The following FARS2 variants were observed in gnomAD, a reference collection of about 807,000 sequenced individuals.
FARS2 encodes phenylalanine--tRNA ligase, mitochondrial.
A neutral mutation model predicts 46.4 loss-of-function variants in FARS2; 40 were observed. That is an observed-to-expected ratio of 0.86 (90% confidence interval 0.67 to 1.12). The LOEUF (loss-of-function observed/expected upper bound fraction) is 1.12. Ranked by LOEUF, FARS2 falls within the 50% of genes most tolerant of loss-of-function variation. The pLI, the probability that FARS2 is intolerant of heterozygous loss-of-function variation, is 0.00. For synonymous variants in FARS2, 234 were observed against 214.9 expected, an observed-to-expected ratio of 1.09 and a Z score of -0.78; for missense variants, 513 against 567.9, an observed-to-expected ratio of 0.90 and a Z score of 0.98.
At chr6:5,459,782 C>A (rs1765133606) in intron 4 of FARS2, among the ~76,000 whole-genome samples, 1 of 152,156 alleles carries the variant, frequency 6.6e-6, no homozygotes, top group African/African-American at 2.4e-5. Context: ...TTTTCCCCAC[C>A]TCCCTCCACC....
intron 6 of FARS2, among the ~76,000 whole-genome samples, chr6:5,671,031 A>T (rs932211464): frequency 6.6e-6 from 1 of 152,230 alleles, no homozygotes; most frequent in African/African-American, 2.4e-5. Flanking sequence ...CAGTGAACTC[A>T]TTACAGTAAA....
At chr6:5,535,619 GAA>G (rs1257039364) in intron 4 of FARS2, among the ~76,000 whole-genome samples, 1 of 152,180 alleles carries the variant, frequency 6.6e-6, no homozygotes, top group Admixed American at 6.5e-5. Flanking sequence ...TGGAATGAGT[GAA>G]AAGTTTTCAA....
intron 5 of FARS2, among the ~76,000 whole-genome samples, chr6:5,558,649 G>C (rs889253961): frequency 1.3e-5 from 2 of 151,946 alleles, no homozygotes; most frequent in African/African-American, 4.8e-5. Context: ...CCATTCTCCT[G>C]CCTCAGCCTC....
intron 1 of FARS2, among the ~76,000 whole-genome samples, chr6:5,264,530 G>A (rs1297100879): frequency 8.3e-6 from 1 of 120,962 alleles, no homozygotes; most frequent in African/African-American, 3.0e-5. Context: ...TTTCACTCTT[G>A]TTTCTCAGGC....
intron 3 of FARS2, among the ~76,000 whole-genome samples, chr6:5,415,984 G>A (rs1762217763): frequency 1.3e-5 from 2 of 152,196 alleles, no homozygotes; most frequent in Admixed American, 1.3e-4. Flanking sequence ...TGGGATTACA[G>A]GTGTGAGCTA....
In FARS2 at chr6:5,448,603, T is replaced by C. The variant is rs563827191; in HGVS notation, c.904+17431T>C. The stretch of plus-strand genomic sequence containing the variant: ...ATGTATTTAATCAGTGCTCCCTTGA[T>C]GGGCATTTTGTGTGTTTCCCTCTTT... On this transcript the variant is annotated intron_variant, in intron 4 of 6. Coordinates refer to ENST00000274680, the MANE Select transcript of FARS2 (RefSeq NM_006567.5). Among the ~76,000 whole-genome samples the C allele has an allele frequency of 3.3e-5, 5 of 152,340 alleles. No homozygotes were observed. The South Asian group carries it at 6.2e-4, about 19-fold the overall frequency.
intron 6 of FARS2, among the ~76,000 whole-genome samples, chr6:5,758,753 C>T (rs913463456): frequency 1.3e-5 from 2 of 152,126 alleles, no homozygotes; most frequent in Admixed American, 6.5e-5. Context: ...CTGGAAGCTT[C>T]GCTCTCTCCT....
intron 2 of FARS2, among the ~76,000 whole-genome samples, chr6:5,398,512 A>G (rs1323788605): frequency 1.3e-5 from 2 of 152,094 alleles, no homozygotes; most frequent in Admixed American, 1.3e-4. Context: ...TCCCAGATTC[A>G]TCTTTTACTT....
At chr6:5,752,939 C>T (rs1355388205) in intron 6 of FARS2, among the ~76,000 whole-genome samples, 2 of 152,170 alleles carry the variant, frequency 1.3e-5, no homozygotes, top group South Asian at 2.1e-4. Context: ...CGGAGAGAAC[C>T]GTGCTGACTC....
chr6:5,251,597 G>A, the FARS2 span, among the ~76,000 whole-genome samples: 1 of 152,134 alleles, frequency 6.6e-6, no homozygotes, highest in Non-Finnish European at 1.5e-5. Context: ...ATTATTGTGA[G>A]GACAGTACCA....
Position 5,369,013 on chromosome 6 carries a change from G to A in FARS2, c.443G>A (p.Arg148Gln), listed in dbSNP as rs753004463. 12 of 1,613,876 alleles carry A rather than the reference G, an allele frequency of 7.4e-6. No individual in the cohort carries two copies. Among genetic ancestry groups the A allele is most frequent in the East Asian group, 4.5e-5 (2 of 44,876 alleles). Residue 148 changes from arginine (R) to glutamine (Q), a missense_variant, in exon 2 of 7, where the codon CGG (arginine) becomes CAG (glutamine). Coordinates refer to ENST00000274680, the MANE Select transcript of FARS2 (RefSeq NM_006567.5). ...AAGGGGGACAACTATTACCTGAATC[G>A]GACTCACATGCTGAGAGCGCACACG... ...RKKGDNYYLN[R>Q]THMLRAHTSA...
At chr6:5,710,701 G>A (rs1381171957) in intron 6 of FARS2, among the ~76,000 whole-genome samples, 2 of 152,204 alleles carry the variant, frequency 1.3e-5, no homozygotes, top group East Asian at 1.9e-4. Flanking sequence ...ACAGGCAAGA[G>A]CTGCCCAGAG....
chr6:5,650,634 C>G (rs946052770), intron 6 of FARS2, among the ~76,000 whole-genome samples: 5 of 152,124 alleles, frequency 3.3e-5, no homozygotes, highest in Non-Finnish European at 7.4e-5. Context: ...GCACCCGCCA[C>G]CACGCCCGGC....
At chr6:5,392,914 ATGTATATATACATATATGTGTGTG>A (rs1760650702) in intron 2 of FARS2, among the ~76,000 whole-genome samples, 2 of 81,596 alleles carry the variant, frequency 2.5e-5, no homozygotes, top group African/African-American at 8.6e-5. Flanking sequence ...TATTATATAT[ATGTATATATACATATATGTGTGTG>A]TGTATATATA....
intron 5 of FARS2, among the ~76,000 whole-genome samples, chr6:5,589,612 C>T (rs1773805524): frequency 6.6e-6 from 1 of 152,216 alleles, no homozygotes; most frequent in South Asian, 2.1e-4. Flanking sequence ...AGGCTCACTG[C>T]AGTGATTCCT....
chr6:5,295,931 G>A (rs1767825415), intron 1 of FARS2, among the ~76,000 whole-genome samples: 2 of 152,076 alleles, frequency 1.3e-5, no homozygotes, highest in East Asian at 1.9e-4. Flanking sequence ...GGCAGGGACC[G>A]TGGGGAGCTA....
intron 4 of FARS2, among the ~76,000 whole-genome samples, chr6:5,521,604 G>A (rs1265894219): frequency 1.3e-5 from 2 of 152,174 alleles, no homozygotes; most frequent in Non-Finnish European, 2.9e-5. Flanking sequence ...AGCCGGGAAA[G>A]CTCTTCTGGC....
At chr6:5,404,010 AG>A (rs1761411023) in intron 2 of FARS2, among the ~76,000 whole-genome samples, 1 of 152,230 alleles carries the variant, frequency 6.6e-6, no homozygotes, top group African/African-American at 2.4e-5. Context: ...CCCACTTTAT[AG>A]ATGATTCCCT....
intron 1 of FARS2, among the ~76,000 whole-genome samples, chr6:5,302,845 A>G (rs1045663729): frequency 2.0e-5 from 3 of 152,190 alleles, no homozygotes; most frequent in African/African-American, 7.2e-5. Flanking sequence ...TGAGATCAGC[A>G]TAAGGAGGGC....
Sources: gnomAD v4.1 joint callset for allele counts (sites outside exome capture counted in the v4.1 genomes callset) on GRCh38, gnomAD v4.1.1 for gene constraint, MANE v1.5 for transcripts, NCBI Gene and HGNC (gene_info 2026-07-23, HGNC 2026-07-21) for gene names.